Variants in SMOC2 observed in about 807,000 individuals in gnomAD.
The protein encoded by SMOC2 is SPARC-related modular calcium-binding protein 2.
Under a neutral mutation model 61.4 loss-of-function variants are expected in SMOC2, and 39 were observed. That is an observed-to-expected ratio of 0.64 (90% CI 0.49 to 0.83). The LOEUF is 0.83. Among genes scored for constraint, SMOC2 ranks in the 40% least tolerant of loss-of-function variants. The pLI is 0.00. For synonymous variants in SMOC2, 247 were observed against 239.9 expected, an observed-to-expected ratio of 1.03 and a Z score of -0.27; for missense variants, 556 against 592.9, an observed-to-expected ratio of 0.94 and a Z score of 0.65.
chr6:168,592,048 A>G (rs544485168), intron 7 of SMOC2, among the ~76,000 whole-genome samples: 1 of 152,314 alleles, frequency 6.6e-6, no homozygotes, highest in Admixed American at 6.5e-5. Context: ...CCTTGTCCCC[A>G]CTTAACAGAA....
At chr6:168,466,710 G>A (rs1024790689) in intron 1 of SMOC2, among the ~76,000 whole-genome samples, 4 of 152,226 alleles carry the variant, frequency 2.6e-5, no homozygotes, top group African/African-American at 7.2e-5. Context: ...CCAGCTCCAC[G>A]AAGGGTGCAC....
intron 9 of SMOC2, among the ~76,000 whole-genome samples, chr6:168,619,076 C>T (rs1466109489): frequency 4.6e-5 from 7 of 152,178 alleles, no homozygotes; most frequent in African/African-American, 1.4e-4. Flanking sequence ...GATCGGAGAA[C>T]TTGAGTTCTG....
At chr6:168,503,883 G>C (rs966586863) in intron 1 of SMOC2, among the ~76,000 whole-genome samples, 1 of 152,148 alleles carries the variant, frequency 6.6e-6, no homozygotes, top group Non-Finnish European at 1.5e-5. Flanking sequence ...GAGTTGGCTC[G>C]TTGGCCTCAT....
Position 168,653,247 on chromosome 6 carries a change from C to G in SMOC2, c.1285+19C>G. Reference sequence around the variant, plus strand: ...CGCCACAGTAAGAGCTTTCCCACCCCCGACCCTGGGCAGTGGTCAGGCCCT... The same window carrying G: ...CGCCACAGTAAGAGCTTTCCCACCCGCGACCCTGGGCAGTGGTCAGGCCCT... On this transcript the variant is annotated intron_variant, in intron 11 of 12. Transcript: ENST00000356284. 6.9e-7 allele frequency: 1 copy of G among 1,444,066 alleles called. No homozygotes were observed. The highest frequency in any genetic ancestry group is 9.6e-7 in the Non-Finnish European group (1 of 1,036,648). 89.5% of individuals were successfully genotyped at this position (1,444,066 alleles called of 1,614,324 possible).
chr6:168,524,418 G>A (rs1409031470), intron 2 of SMOC2, among the ~76,000 whole-genome samples: 1 of 152,188 alleles, frequency 6.6e-6, no homozygotes, highest in African/African-American at 2.4e-5. Flanking sequence ...TTAAACCCAA[G>A]AGCTGCAGAT....
At chr6:168,584,712 G>A (rs966025689) in intron 7 of SMOC2, among the ~76,000 whole-genome samples, 4 of 152,136 alleles carry the variant, frequency 2.6e-5, no homozygotes, top group Admixed American at 1.3e-4. Context: ...CCTATTTTAT[G>A]CTTACTAGGA....
chr6:168,566,011 T>A (rs1784533280), intron 7 of SMOC2, among the ~76,000 whole-genome samples: 1 of 152,226 alleles, frequency 6.6e-6, no homozygotes, highest in African/African-American at 2.4e-5. Flanking sequence ...CACAGATATT[T>A]TATATAAAAT....
chr6:168,469,534 T>G (rs1781922030), intron 1 of SMOC2, among the ~76,000 whole-genome samples: 1 of 152,234 alleles, frequency 6.6e-6, no homozygotes, highest in African/African-American at 2.4e-5. Flanking sequence ...TTTGTAAATC[T>G]TTCTGTTCGT....
chr6:168,461,355 C>T (rs1258831500), intron 1 of SMOC2, among the ~76,000 whole-genome samples: 1 of 152,136 alleles, frequency 6.6e-6, no homozygotes, highest in Non-Finnish European at 1.5e-5. Flanking sequence ...CAGAGCCAAA[C>T]CATATTAAAA....
At chr6:168,485,918 T>C (rs1782321995) in intron 1 of SMOC2, among the ~76,000 whole-genome samples, 1 of 152,218 alleles carries the variant, frequency 6.6e-6, no homozygotes, top group Non-Finnish European at 1.5e-5. Flanking sequence ...AAAAGTATTC[T>C]GTCTAATAGA....
chr6:168,527,993 C>T (rs1490278803), intron 4 of SMOC2, among the ~76,000 whole-genome samples: 1 of 152,212 alleles, frequency 6.6e-6, no homozygotes, highest in Non-Finnish European at 1.5e-5. Flanking sequence ...TGCATCTGAT[C>T]ATGATGGGTT....
chr6:168,587,096 G>T (rs1202824817), intron 7 of SMOC2, among the ~76,000 whole-genome samples: 2 of 152,180 alleles, frequency 1.3e-5, no homozygotes, highest in Non-Finnish European at 2.9e-5. Context: ...TGATAGTTTT[G>T]CTATAGCTGA....
chr6:168,572,043 T>C (rs1235529442), intron 7 of SMOC2, among the ~76,000 whole-genome samples: 1 of 40,316 alleles, frequency 2.5e-5, no homozygotes, highest in South Asian at 1.6e-3. Flanking sequence ...GAACGCGATG[T>C]TCATTTCCTC....
chr6:168,541,964 A>C (rs1297359395), intron 4 of SMOC2, among the ~76,000 whole-genome samples: 10 of 152,196 alleles, frequency 6.6e-5, no homozygotes, highest in Non-Finnish European at 1.5e-4. Flanking sequence ...GTACAGTGCA[A>C]AATATTTTCT....
At chr6:168,526,231 T>A (rs1469665449) in intron 2 of SMOC2, 115 bp from the exon 3 acceptor site, 1 of 891,952 alleles carries the variant, frequency 1.1e-6, no homozygotes, top group African/African-American at 1.7e-5. Context: ...CTTTCCAGCC[T>A]CCAGGTCCTC....
chr6:168,655,473 C>T, intron 11 of SMOC2: 1 of 454,644 alleles, frequency 2.2e-6, no homozygotes, highest in South Asian at 1.6e-5. Context: ...TCTGACTTTT[C>T]AGCTCAGAGA....
At chr6:168,524,253 G>A (rs1031458536) in intron 2 of SMOC2, among the ~76,000 whole-genome samples, 6 of 152,260 alleles carry the variant, frequency 3.9e-5, no homozygotes, top group East Asian at 1.9e-4. Flanking sequence ...GGAATAAGCC[G>A]CAACCCTGTA....
At chr6:168,645,492 C>T (rs1244971766) in intron 9 of SMOC2, among the ~76,000 whole-genome samples, 2 of 152,192 alleles carry the variant, frequency 1.3e-5, no homozygotes, top group East Asian at 1.9e-4. Context: ...TTCCTCTCCT[C>T]GGGCCTTTTC....
intron 2 of SMOC2, among the ~76,000 whole-genome samples, chr6:168,525,802 C>T (rs1479318968): frequency 1.3e-5 from 2 of 152,150 alleles, no homozygotes; most frequent in East Asian, 1.9e-4. Flanking sequence ...CTCAGTGGGA[C>T]GGTGCCCTGG....
Sources: allele counts gnomAD v4.1 joint callset (sites outside exome capture counted in the v4.1 genomes callset), GRCh38; gene constraint gnomAD v4.1.1; transcripts MANE v1.5; gene names NCBI Gene and HGNC (gene_info 2026-07-23, HGNC 2026-07-21).